ANTXR1: variants seen among roughly 807,000 people sequenced by gnomAD.
ANTXR1 encodes ANTXR cell adhesion molecule 1.
A neutral mutation model predicts 78.1 loss-of-function variants in ANTXR1; 19 were observed. That is an observed-to-expected ratio of 0.24 (90% confidence interval 0.17 to 0.36). The LOEUF is 0.36. Ranked by LOEUF, ANTXR1 falls within the 10% of genes least tolerant of loss-of-function variation. ANTXR1 has a pLI of 1.00. For synonymous variants in ANTXR1, 273 were observed against 260.5 expected, an observed-to-expected ratio of 1.05 and a Z score of -0.46; for missense variants, 518 against 718.6, an observed-to-expected ratio of 0.72 and a Z score of 3.19.
At chr2:69,243,073 G>C (rs1375410345) in intron 17 of ANTXR1, among the ~76,000 whole-genome samples, 1 of 152,220 alleles carries the variant, frequency 6.6e-6, no homozygotes, top group Non-Finnish European at 1.5e-5. Flanking sequence ...AAACAGGGGT[G>C]CTGGCATCTA....
At chr2:69,067,222 C>T (rs550164721) in intron 3 of ANTXR1, among the ~76,000 whole-genome samples, 3 of 151,076 alleles carry the variant, frequency 2.0e-5, no homozygotes, top group African/African-American at 7.3e-5. Flanking sequence ...GATCACCACT[C>T]GCAACTAGTG....
chr2:69,014,395 A>T (rs1277004064), intron 1 of ANTXR1, among the ~76,000 whole-genome samples: 1 of 145,092 alleles, frequency 6.9e-6, no homozygotes, highest in African/African-American at 2.8e-5. Flanking sequence ...CTCCCCTTCG[A>T]CTTGAGTACC....
chr2:69,215,711 G>A (rs748345003), intron 17 of ANTXR1, among the ~76,000 whole-genome samples: 9 of 152,196 alleles, frequency 5.9e-5, no homozygotes, highest in Non-Finnish European at 1.3e-4. Flanking sequence ...CTGGCCCATA[G>A]TAGGTACTTT....
intron 3 of ANTXR1, among the ~76,000 whole-genome samples, chr2:69,049,502 GT>G (rs1461985904): frequency 6.6e-6 from 1 of 151,920 alleles, no homozygotes; most frequent in Non-Finnish European, 1.5e-5. Flanking sequence ...TAGAGACGGG[GT>G]TTCACCATGT....
rs571370270 is a variant in ANTXR1, at chr2:69,018,284, T to G, written c.152+4633T>G. 2.0e-5 allele frequency among the ~76,000 whole-genome samples: 3 copies of G among 152,292 alleles called. No homozygotes were observed. In the South Asian group the frequency reaches 6.2e-4, roughly 32 times the overall value. ...TTTCCCTTCTGTTCGGCACCAGTTT[T>G]CTTTTTCTTCCACTGTACAAAGGGA... On this transcript the variant is annotated intron_variant, in intron 1 of 17. Transcript: ENST00000303714.
chr2:69,041,895 C>T (rs1669625714), intron 2 of ANTXR1, among the ~76,000 whole-genome samples: 1 of 152,156 alleles, frequency 6.6e-6, no homozygotes, highest in Non-Finnish European at 1.5e-5. Flanking sequence ...GGCCATGGAG[C>T]CCCTCAAAGT....
At chr2:69,152,117 G>T in intron 12 of ANTXR1, 52 bp from the exon 13 acceptor site, 1 of 1,557,182 alleles carries the variant, frequency 6.4e-7, no homozygotes, top group East Asian at 2.2e-5. Flanking sequence ...GGGGAGGGAA[G>T]ATCACACATG....
At chr2:69,063,485 T>G (rs1414471207) in intron 3 of ANTXR1, among the ~76,000 whole-genome samples, 2 of 151,800 alleles carry the variant, frequency 1.3e-5, no homozygotes, top group African/African-American at 4.8e-5. Flanking sequence ...AAGAGAATCA[T>G]CAGCAGCAAA....
chr2:69,118,538 A>G (rs1270950676), intron 10 of ANTXR1, among the ~76,000 whole-genome samples: 1 of 152,214 alleles, frequency 6.6e-6, no homozygotes, highest in East Asian at 1.9e-4. Flanking sequence ...ACAAAAGCCA[A>G]GTGGGCCAGT....
chr2:69,159,259 C>A (rs1673613729), intron 13 of ANTXR1, among the ~76,000 whole-genome samples: 2 of 152,030 alleles, frequency 1.3e-5, no homozygotes, highest in African/African-American at 4.8e-5. Flanking sequence ...GTGAAAAGAT[C>A]TTAGCATATT....
intron 17 of ANTXR1, 24 bp downstream of exon 17, chr2:69,193,439 G>GGT: frequency 1.4e-6 from 2 of 1,435,552 alleles, no homozygotes; most frequent in African/African-American, 3.4e-5. Context: ...ATTCATTAAT[G>GGT]GTGTCTCTCT....
In ANTXR1 at chr2:69,077,413, C is replaced by T. The variant is rs1380906981; in HGVS notation, c.567C>T (p.Ala189=). The T allele has an allele frequency of 6.2e-7, 1 of 1,614,004 alleles. No individual in the cohort carries two copies. Among genetic ancestry groups the T allele is most frequent in the African/African-American group, 1.3e-5 (1 of 74,910 alleles). The change falls in exon 8 of 18, where the codon GCC becomes GCT. Residue 189 remains alanine, a synonymous_variant. Transcript: ENST00000303714. ...GVKDFNETQL[A]RIADSKDHVF... ...TGTATTTGCTGTGTTCTCAGCTGGC[C>T]CGGATTGCGGACAGTAAGGATCATG...
intron 17 of ANTXR1, among the ~76,000 whole-genome samples, chr2:69,218,433 C>T (rs991887505): frequency 3.9e-5 from 6 of 152,064 alleles, no homozygotes; most frequent in Admixed American, 1.3e-4. Flanking sequence ...ATTGTGTTGT[C>T]GGTGTAAAAG....
intron 16 of ANTXR1, chr2:69,182,874 G>A (rs921580433): frequency 2.2e-5 from 14 of 627,164 alleles, no homozygotes; most frequent in South Asian, 7.8e-5. Context: ...AAAAATCACC[G>A]TGGTGCTCAC....
chr2:69,107,528 C>T (rs1368463916), intron 10 of ANTXR1, among the ~76,000 whole-genome samples: 1 of 152,010 alleles, frequency 6.6e-6, no homozygotes, highest in Non-Finnish European at 1.5e-5. Flanking sequence ...GTGTGGGCCG[C>T]CACACCCAGC....
At chr2:69,072,485 C>T (rs115841052) in intron 5 of ANTXR1, among the ~76,000 whole-genome samples, 1,706 of 152,220 alleles carry the variant, frequency 0.011, 35 homozygotes, top group African/African-American at 0.039. Flanking sequence ...GTAAATCAAC[C>T]GTGAATGTTG....
intron 17 of ANTXR1, among the ~76,000 whole-genome samples, chr2:69,214,534 A>G (rs565960063): frequency 8.5e-5 from 13 of 152,316 alleles, no homozygotes; most frequent in African/African-American, 2.9e-4. Context: ...AACTTGAGCC[A>G]GGGTAAACCT....
intron 12 of ANTXR1, among the ~76,000 whole-genome samples, chr2:69,124,911 A>G (rs1029212892): frequency 1.3e-5 from 2 of 152,244 alleles, no homozygotes; most frequent in South Asian, 2.1e-4. Flanking sequence ...GCCTGACCAG[A>G]CGGTAAGATG....
At chr2:69,209,686 CA>C (rs1336233433) in intron 17 of ANTXR1, among the ~76,000 whole-genome samples, 3 of 152,208 alleles carry the variant, frequency 2.0e-5, no homozygotes, top group Admixed American at 6.5e-5. Flanking sequence ...ACGTTAAGAT[CA>C]GGGGACAGCA....
Sources: allele counts gnomAD v4.1 joint callset (sites outside exome capture counted in the v4.1 genomes callset), GRCh38; gene constraint gnomAD v4.1.1; transcripts MANE v1.5; gene names NCBI Gene and HGNC (gene_info 2026-07-23, HGNC 2026-07-21).